The following SNX4 variants were observed in gnomAD, a reference collection of about 807,000 sequenced individuals.
The protein encoded by SNX4 is sorting nexin 4.
In SNX4, 49 loss-of-function variants were observed where a neutral mutation model predicts 70.8. The ratio of observed to expected loss-of-function variants is 0.69; its 90% CI spans 0.55 to 0.88. SNX4 has a LOEUF of 0.88. Among genes scored for constraint, SNX4 ranks in the 40% least tolerant of loss-of-function variants. The pLI is 0.00. For missense variants in SNX4, 528 were observed against 544.8 expected, an observed-to-expected ratio of 0.97 and a Z score of 0.31; for synonymous variants, 206 against 183.8, an observed-to-expected ratio of 1.12 and a Z score of -0.98.
intron 8 of SNX4, among the ~76,000 whole-genome samples, chr3:125,475,062 A>G (rs1040181843): frequency 3.9e-5 from 6 of 152,152 alleles, no homozygotes; most frequent in African/African-American, 9.7e-5. Context: ...AGTTGACCAT[A>G]TATTTTCATA....
In SNX4 at chr3:125,502,263, CAT is replaced by C. The variant is rs974340851; in HGVS notation, c.263+2358_263+2359del. Among the ~76,000 whole-genome samples, 5 of 152,100 alleles carry C rather than the reference CAT, an allele frequency of 3.3e-5. No individual in the cohort carries two copies. The East Asian group carries it at 9.6e-4, about 29-fold the overall frequency. The stretch of plus-strand genomic sequence containing the variant: ...CAAATCTCTGGGATACATAAACATA[CAT>C]ATGTCATGAAATGACCTAAGTTTGA... On this transcript the variant is annotated intron_variant, in intron 2 of 13. Coordinates refer to ENST00000251775, the MANE Select transcript of SNX4 (RefSeq NM_003794.4).
At chr3:125,479,593 G>T (rs566203514) in intron 7 of SNX4, among the ~76,000 whole-genome samples, 183 of 151,776 alleles carry the variant, frequency 1.2e-3, no homozygotes, top group African/African-American at 4.3e-3. Context: ...CAACAAAGAG[G>T]ATTCCAGATT....
At chr3:125,477,645 C>T (rs1236914685) in intron 7 of SNX4, among the ~76,000 whole-genome samples, 1 of 152,124 alleles carries the variant, frequency 6.6e-6, no homozygotes. Flanking sequence ...ACAAATCAAC[C>T]CTTTCAAGAT....
At chr3:125,468,988 TTTC>T (rs1224639765) in intron 9 of SNX4, among the ~76,000 whole-genome samples, 1 of 152,210 alleles carries the variant, frequency 6.6e-6, no homozygotes, top group African/African-American at 2.4e-5. Flanking sequence ...CTTATTTAAT[TTTC>T]TTGTCTCACC....
At chr3:125,469,606 G>T in intron 8 of SNX4, 87 bp from the exon 9 acceptor site, 1 of 929,152 alleles carries the variant, frequency 1.1e-6, no homozygotes, top group Non-Finnish European at 1.7e-6. Flanking sequence ...TTCTTGTCTA[G>T]CTAGCTTTAA....
intron 11 of SNX4, among the ~76,000 whole-genome samples, chr3:125,455,244 T>A (rs575297702): frequency 6.6e-6 from 1 of 152,230 alleles, no homozygotes; most frequent in Non-Finnish European, 1.5e-5. Context: ...TTGAATTTCA[T>A]AATCAAATGG....
At chr3:125,497,701 A>T in intron 4 of SNX4, 133 bp downstream of exon 4, 1 of 634,888 alleles carries the variant, frequency 1.6e-6, no homozygotes, top group Non-Finnish European at 2.6e-6. Context: ...ATAATCCATT[A>T]ATTAGAAATT....
intron 5 of SNX4, among the ~76,000 whole-genome samples, chr3:125,494,587 T>C (rs571830029): frequency 5.9e-5 from 9 of 152,348 alleles, no homozygotes; most frequent in East Asian, 5.8e-4. Flanking sequence ...TTTGACAATC[T>C]TTCTCAAATT....
In SNX4 at chr3:125,481,510, G is replaced by A. The variant is rs141052877; in HGVS notation, c.654-1191C>T. On this transcript the variant is annotated intron_variant, in intron 6 of 13. Coordinates refer to ENST00000251775, the MANE Select transcript of SNX4 (RefSeq NM_003794.4). ...GTTGCCCAGACTGGAGTGCAATGGC[G>A]CAATCTTGGCTCACCACAACCTCCG... 3.6e-3 allele frequency among the ~76,000 whole-genome samples: 532 copies of A among 149,560 alleles called. 5 individuals are homozygous for A. Among genetic ancestry groups the A allele is most frequent in the African/African-American group, 0.012 (495 of 40,520 alleles).
chr3:125,511,984 TAAAGAA>T lies in SNX4; in HGVS notation c.142-7246_142-7241del, dbSNP rs144472808. Reference sequence around the variant, plus strand: ...AGAAGGTAAAAATGCTAAAAGAAGATAAAGAAAAAGAGCCAACCCAGTGGGTTGAAA... The same window carrying T: ...AGAAGGTAAAAATGCTAAAAGAAGATAAAGAGCCAACCCAGTGGGTTGAAA... On this transcript the variant is annotated intron_variant, in intron 1 of 13. Transcript: ENST00000251775. Among the ~76,000 whole-genome samples, 800 of 151,772 alleles carry T rather than the reference TAAAGAA, an allele frequency of 5.3e-3. 6 individuals are homozygous for T. Among genetic ancestry groups the T allele is most frequent in the South Asian group, 0.025 (121 of 4,808 alleles).
At chr3:125,484,688 C>A (rs1330014674) in intron 6 of SNX4, among the ~76,000 whole-genome samples, 1 of 152,086 alleles carries the variant, frequency 6.6e-6, no homozygotes. Context: ...ATGCTTCTCT[C>A]CAATCTTAAA....
intron 9 of SNX4, among the ~76,000 whole-genome samples, chr3:125,467,633 G>A (rs1171096748): frequency 6.6e-6 from 1 of 151,992 alleles, no homozygotes; most frequent in African/African-American, 2.4e-5. Flanking sequence ...GGCTGGTCTT[G>A]AACTCCTAGG....
At chr3:125,495,277 T>TATATATATAC in intron 5 of SNX4, among the ~76,000 whole-genome samples, 22 of 99,592 alleles carry the variant, frequency 2.2e-4, no homozygotes, top group South Asian at 1.1e-3. Flanking sequence ...TATATATATA[T>TATATATATAC]ACACATACAC....
intron 5 of SNX4, among the ~76,000 whole-genome samples, chr3:125,493,117 T>C (rs1378931208): frequency 1.3e-5 from 2 of 152,220 alleles, no homozygotes; most frequent in Admixed American, 1.3e-4. Context: ...TTTGTGTATG[T>C]ATTTATTTTT....
In SNX4 at chr3:125,458,273, G is replaced by C. The variant is rs542478558; in HGVS notation, c.945-908C>G. Among the ~76,000 whole-genome samples the C allele has an allele frequency of 6.6e-5, 10 of 151,170 alleles. No individual in the cohort carries two copies. The South Asian group carries it at 2.1e-3, about 32-fold the overall frequency. On this transcript the variant is annotated intron_variant, in intron 10 of 13. Coordinates refer to ENST00000251775, the MANE Select transcript of SNX4 (RefSeq NM_003794.4). ...ATGCAACCTCTGCCTCCTGGGCTCA[G>C]GCAATCCTCCCACCTCAGCCTCCTA...
In SNX4 at chr3:125,470,399, A is replaced by C. The variant is rs1293029825; in HGVS notation, c.789-880T>G. Among the ~76,000 whole-genome samples, 9 of 152,022 alleles carry C rather than the reference A, an allele frequency of 5.9e-5. No individual in the cohort carries two copies. In the East Asian group the frequency reaches 1.7e-3, roughly 29 times the overall value. On this transcript the variant is annotated intron_variant, in intron 8 of 13. Coordinates refer to ENST00000251775, the MANE Select transcript of SNX4 (RefSeq NM_003794.4). ...TTCTGCTATTTAAAGAATGTATAATAATCATCTTCAATTCCAACATATCAT... is the reference window on the plus strand; with the variant it reads ...TTCTGCTATTTAAAGAATGTATAATCATCATCTTCAATTCCAACATATCAT...
At chr3:125,476,800 T>C (rs1202732573) in intron 7 of SNX4, 44 bp from the exon 8 acceptor site, 11 of 1,166,654 alleles carry the variant, frequency 9.4e-6, no homozygotes, top group South Asian at 2.7e-5. Context: ...GTCAAAGTTA[T>C]ATCCTCATCT....
At chr3:125,494,419 T>C (rs1477227912) in intron 5 of SNX4, among the ~76,000 whole-genome samples, 1 of 152,130 alleles carries the variant, frequency 6.6e-6, no homozygotes, top group East Asian at 1.9e-4. Flanking sequence ...AATGGGAATA[T>C]TAACTCACCT....
chr3:125,503,251 A>T (rs928047414), intron 2 of SNX4, among the ~76,000 whole-genome samples: 4 of 152,158 alleles, frequency 2.6e-5, no homozygotes, highest in Admixed American at 2.6e-4. Flanking sequence ...CAATTCTCTC[A>T]TATCTATTTG....
Sources: gnomAD v4.1 joint callset for allele counts (sites outside exome capture counted in the v4.1 genomes callset) on GRCh38, gnomAD v4.1.1 for gene constraint, MANE v1.5 for transcripts, NCBI Gene and HGNC (gene_info 2026-07-23, HGNC 2026-07-21) for gene names.